Variants in AGPS observed in about 807,000 individuals in gnomAD.
AGPS encodes the protein alkylglycerone phosphate synthase, also known as alkyldihydroxyacetonephosphate synthase, peroxisomal.
A neutral mutation model predicts 90.7 loss-of-function variants in AGPS; 26 were observed. That is an observed-to-expected ratio of 0.29 (90% confidence interval 0.21 to 0.40). The LOEUF (loss-of-function observed/expected upper bound fraction) is 0.40. Ranked by LOEUF, AGPS falls within the 10% of genes least tolerant of loss-of-function variation. The probability of loss-of-function intolerance (pLI) is 1.00; values close to 1 mark genes in which losing one functional copy is unlikely to be tolerated. For synonymous variants in AGPS, 294 were observed against 285.3 expected (o/e 1.03, Z -0.31); for missense variants, 540 against 816.1 (o/e 0.66, Z 4.12).
chr2:177,510,839 C>T (rs925448794), intron 16 of AGPS, among the ~76,000 whole-genome samples: 3 of 152,114 alleles, frequency 2.0e-5, no homozygotes, highest in Non-Finnish European at 2.9e-5. Context: ...CATGGGATCA[C>T]GGTCTTTTAA....
chr2:177,511,492 A>G (rs1039802604), intron 16 of AGPS, among the ~76,000 whole-genome samples: 2 of 152,158 alleles, frequency 1.3e-5, no homozygotes, highest in Admixed American at 1.3e-4. Flanking sequence ...GAAGGAAAAA[A>G]AAGAAGGCCT....
intron 10 of AGPS, among the ~76,000 whole-genome samples, chr2:177,474,419 GA>G (rs1687717568): frequency 1.3e-5 from 2 of 152,190 alleles, no homozygotes; most frequent in Admixed American, 1.3e-4. Flanking sequence ...CTCACAGATT[GA>G]ATACCAGGCC....
rs2079222456 is a variant in AGPS at position 177,540,187 on chromosome 2, G to A, written c.*1992G>A. ...GATTGTTATAACATTCTTTCCCAGG[G>A]AGTTCAATTTCAGCAACCTCAGAAA... On this transcript the variant is annotated 3_prime_UTR_variant, in exon 20 of 20. Transcript: ENST00000264167. 6.6e-6 allele frequency: 1 copy of A among 151,428 alleles called. No homozygotes were observed. The highest frequency in any genetic ancestry group is 6.6e-5 in the Admixed American group (1 of 15,150). The allele number at this position is 151,428 out of a possible 1,614,324, so 9.4% of individuals were successfully genotyped here.
chr2:177,396,983 G>A (rs1685196595), intron 1 of AGPS, among the ~76,000 whole-genome samples: 1 of 141,290 alleles, frequency 7.1e-6, no homozygotes, highest in South Asian at 2.2e-4. Flanking sequence ...CTGTCTCCCA[G>A]GCTAGAGTGA....
rs529342461 is a variant in AGPS at position 177,511,236 on chromosome 2, A to AC, written c.1608-2583_1608-2582insC. Among the ~76,000 whole-genome samples, 25 of 152,094 alleles carry AC rather than the reference A, an allele frequency of 1.6e-4. No homozygotes were observed. The South Asian group carries it at 5.2e-3, about 32-fold the overall frequency. On this transcript the variant is annotated intron_variant, in intron 16 of 19. Transcript: ENST00000264167. The stretch of plus-strand genomic sequence containing the variant: ...CATCTTGGCCTCCTAGCTAGCTAGG[A>AC]TCCCAGGTGCACGTCACCATGCTTG...
chr2:177,414,897 CGT>C lies in AGPS; in HGVS notation c.261-5349_261-5348del, dbSNP rs397986794. ...TATCCCATGGGTGCCTATGAAGGTT[CGT>C]GTGTGTGTGTGTGTGTGTGTGTATA... On this transcript the variant is annotated intron_variant, in intron 1 of 19. Coordinates refer to ENST00000264167, the MANE Select transcript of AGPS (RefSeq NM_003659.4). Among the ~76,000 whole-genome samples the C allele has an allele frequency of 6.7e-3, 983 of 146,294 alleles. 9 individuals are homozygous for C. The highest frequency in any genetic ancestry group is 0.024 in the African/African-American group (938 of 39,604).
chr2:177,395,756 A>T (rs907666756), intron 1 of AGPS, among the ~76,000 whole-genome samples: 1 of 152,202 alleles, frequency 6.6e-6, no homozygotes, highest in African/African-American at 2.4e-5. Context: ...ATTACTTTGG[A>T]TGATAACATT....
intron 2 of AGPS, among the ~76,000 whole-genome samples, chr2:177,432,193 T>A (rs183050734): frequency 6.6e-6 from 1 of 152,246 alleles, no homozygotes; most frequent in Non-Finnish European, 1.5e-5. Context: ...AATGATTTCA[T>A]TGGCCTTGAA....
chr2:177,403,200 A>T (rs1685377207), intron 1 of AGPS, among the ~76,000 whole-genome samples: 1 of 152,228 alleles, frequency 6.6e-6, no homozygotes, highest in African/African-American at 2.4e-5. Flanking sequence ...AGGAAGACTG[A>T]TGTGTCTTCT....
chr2:177,511,209 C>A (rs898390067), intron 16 of AGPS, among the ~76,000 whole-genome samples: 7 of 152,098 alleles, frequency 4.6e-5, no homozygotes, highest in Non-Finnish European at 1.0e-4. Flanking sequence ...AAATGATTCT[C>A]CCATCTTGGC....
intron 19 of AGPS, among the ~76,000 whole-genome samples, chr2:177,537,329 T>C (rs762762770): frequency 2.6e-4 from 40 of 151,942 alleles, no homozygotes; most frequent in Admixed American, 1.8e-3. Flanking sequence ...TACTTCACTA[T>C]TCTCAGAACA....
At chr2:177,397,633 G>T (rs1045190554) in intron 1 of AGPS, among the ~76,000 whole-genome samples, 1 of 152,114 alleles carries the variant, frequency 6.6e-6, no homozygotes, top group Non-Finnish European at 1.5e-5. Context: ...CAGTTTTTAC[G>T]GAGGTTATAA....
chr2:177,523,828 T>A, intron 19 of AGPS, 23 bp downstream of exon 19: 1 of 1,585,036 alleles, frequency 6.3e-7, no homozygotes, highest in Non-Finnish European at 8.7e-7. Context: ...GGGAGTAGAA[T>A]TTCTAATATT....
chr2:177,419,813 A>G (rs945523962), intron 1 of AGPS, among the ~76,000 whole-genome samples: 2 of 151,814 alleles, frequency 1.3e-5, no homozygotes. Context: ...GTCTACTACT[A>G]GTCAGTCTAC....
At chr2:177,459,307 C>G (rs181265400) in intron 8 of AGPS, among the ~76,000 whole-genome samples, 211 of 152,228 alleles carry the variant, frequency 1.4e-3, no homozygotes, top group African/African-American at 5.0e-3. Flanking sequence ...CAACAAAAGC[C>G]AAAATTGACA....
chr2:177,425,210 G>A (rs923458470), intron 2 of AGPS, among the ~76,000 whole-genome samples: 4 of 152,002 alleles, frequency 2.6e-5, no homozygotes, highest in African/African-American at 7.3e-5. Context: ...ATAGTTTTGG[G>A]TTTTACATTT....
chr2:177,395,397 C>A (rs1314891113), intron 1 of AGPS, among the ~76,000 whole-genome samples: 1 of 152,194 alleles, frequency 6.6e-6, no homozygotes, highest in Non-Finnish European at 1.5e-5. Context: ...TGGTGGGAAG[C>A]CCTGGTCTTT....
rs116066994 is a variant in AGPS, at chr2:177,403,774, T to C, written c.260+10725T>C. On this transcript the variant is annotated intron_variant, in intron 1 of 19. Coordinates refer to ENST00000264167, the MANE Select transcript of AGPS (RefSeq NM_003659.4). ...TTCACTCACTGTCTTGTGTATACCT[T>C]TCCTTATCAAGAAATAATAATGTGT... Among the ~76,000 whole-genome samples the C allele has an allele frequency of 3.1e-3, 471 of 152,344 alleles. 2 individuals are homozygous for C. The highest frequency in any genetic ancestry group is 0.011 in the African/African-American group (442 of 41,586).
intron 2 of AGPS, among the ~76,000 whole-genome samples, chr2:177,431,429 G>C (rs929042017): frequency 3.9e-5 from 6 of 152,140 alleles, no homozygotes; most frequent in Admixed American, 3.9e-4. Flanking sequence ...ACAGAAAACA[G>C]GGTTCGAGAG....
Sources: allele counts gnomAD v4.1 joint callset (sites outside exome capture counted in the v4.1 genomes callset), GRCh38; gene constraint gnomAD v4.1.1; transcripts MANE v1.5; gene names NCBI Gene and HGNC (gene_info 2026-07-23, HGNC 2026-07-21).